RNF220: variants seen among roughly 807,000 people sequenced by gnomAD.
RNF220 encodes ring finger protein 220.
A neutral mutation model predicts 67.1 loss-of-function variants in RNF220; 7 were observed. The observed-to-expected ratio is 0.10, with a 90% CI of 0.06 to 0.20. The LOEUF (loss-of-function observed/expected upper bound fraction) is 0.20, where lower values mean the gene tolerates loss of function less well. Among genes scored for constraint, RNF220 ranks in the 10% least tolerant of loss-of-function variants. The pLI, the probability that RNF220 is intolerant of heterozygous loss-of-function variation, is 1.00. For missense variants in RNF220, 565 were observed against 740.3 expected (o/e 0.76, Z 2.75); for synonymous variants, 270 against 283.2 (o/e 0.95, Z 0.47).
intron 1 of RNF220, chr1:44,410,809 G>A (rs1467065913): frequency 1.3e-5 from 2 of 152,078 alleles, no homozygotes; most frequent in Admixed American, 6.5e-5. Context: ...TTTCTATTTC[G>A]TGTATATTTT....
intron 2 of RNF220, among the ~76,000 whole-genome samples, chr1:44,413,451 T>G (rs973262995): frequency 6.6e-6 from 1 of 152,256 alleles, no homozygotes; most frequent in African/African-American, 2.4e-5. Context: ...AACAGCTTTT[T>G]TTCATGTTCT....
intron 2 of RNF220, among the ~76,000 whole-genome samples, chr1:44,477,042 G>A (rs1655362255): frequency 6.6e-6 from 1 of 152,124 alleles, no homozygotes; most frequent in South Asian, 2.1e-4. Flanking sequence ...ATTAGGAAGG[G>A]AACAAAATCA....
intron 2 of RNF220, among the ~76,000 whole-genome samples, chr1:44,442,494 G>A (rs575372551): frequency 6.8e-5 from 10 of 146,858 alleles, no homozygotes; most frequent in East Asian, 4.0e-4. Context: ...TCTTTGCCCC[G>A]CTGCCGCACC....
chr1:44,617,860 C>T (rs1643627126), intron 3 of RNF220, among the ~76,000 whole-genome samples: 1 of 151,922 alleles, frequency 6.6e-6, no homozygotes, highest in African/African-American at 2.4e-5. Context: ...CTCCCCAGCT[C>T]TCCCTCCTCC....
At chr1:44,517,765 G>A (rs1018713670) in intron 2 of RNF220, among the ~76,000 whole-genome samples, 29 of 152,178 alleles carry the variant, frequency 1.9e-4, no homozygotes, top group African/African-American at 6.0e-4. Flanking sequence ...TTGTTAAAAA[G>A]GAATATTAAA....
At position 44,412,000 on chromosome 1, in the gene RNF220, C is replaced by A; in HGVS notation, c.-98C>A. 1 of 1,344,554 alleles carries A rather than the reference C, an allele frequency of 7.4e-7. No homozygotes were observed. Among genetic ancestry groups the A allele is most frequent in the Non-Finnish European group, 1.0e-6 (1 of 979,778 alleles). 83.3% of individuals were successfully genotyped at this position (1,344,554 alleles called of 1,614,324 possible). A position where few individuals can be genotyped will look rare whatever the true frequency, so the allele number is the denominator to read the frequency against. On this transcript the variant is annotated 5_prime_UTR_variant, in exon 2 of 15. Coordinates refer to ENST00000361799, the MANE Select transcript of RNF220 (RefSeq NM_018150.4). ...CTACAGGTCTTAGGAGGGAATGATT[C>A]CCCAGTAATATTCCCTGCCCTGACC...
In RNF220 at chr1:44,622,627, G is replaced by T. The variant is rs1643846188; in HGVS notation, c.759-115G>T. On this transcript the variant is annotated intron_variant, in intron 3 of 14. Coordinates refer to ENST00000361799, the MANE Select transcript of RNF220 (RefSeq NM_018150.4). This position sits in a 1 kb window ranked among gnomAD's most constrained non-coding sequence, Gnocchi z 4.3. ...GGACTGGGTGGAGCTTGGCTGAGCT[G>T]GGCTGGGCTAGGCGGTCTATGCCTT... 1 of 869,582 alleles carries T rather than the reference G, an allele frequency of 1.1e-6. No individual in the cohort carries two copies. Among genetic ancestry groups the T allele is most frequent in the East Asian group, 2.5e-5 (1 of 40,390 alleles). The allele number at this position is 869,582 out of a possible 1,614,324, so 53.9% of individuals were successfully genotyped here.
chr1:44,513,056 TCTGCCCCCA>T (rs888769690), intron 2 of RNF220, among the ~76,000 whole-genome samples: 2 of 152,204 alleles, frequency 1.3e-5, no homozygotes, highest in African/African-American at 2.4e-5. Flanking sequence ...TCTCTGACTC[TCTGCCCCCA>T]CTGCAGCCAA....
chr1:44,537,523 G>A (rs1661327384), intron 2 of RNF220, among the ~76,000 whole-genome samples: 1 of 152,152 alleles, frequency 6.6e-6, no homozygotes, highest in Non-Finnish European at 1.5e-5. Flanking sequence ...GGGATCCATA[G>A]ACTTCTTGCC....
chr1:44,486,312 G>T (rs1269402722), intron 2 of RNF220, among the ~76,000 whole-genome samples: 1 of 152,168 alleles, frequency 6.6e-6, no homozygotes, highest in African/African-American at 2.4e-5. Context: ...GAGCTCAGAG[G>T]CTCCAGCAGG....
At chr1:44,406,422 G>C (rs1372080935) in intron 1 of RNF220, among the ~76,000 whole-genome samples, 1 of 152,248 alleles carries the variant, frequency 6.6e-6, no homozygotes, top group East Asian at 1.9e-4. Context: ...CTCTCCCAGC[G>C]GTTCTACTGA....
chr1:44,520,827 C>T lies in RNF220; in HGVS notation c.626-93338C>T, dbSNP rs143976705. On this transcript the variant is annotated intron_variant, in intron 2 of 14. Transcript: ENST00000361799. ...GACATCAGGTATTGTTCATGGCAAACACTCAGTGAGTACTGGATTGGAATT... is the reference window on the plus strand; with the variant it reads ...GACATCAGGTATTGTTCATGGCAAATACTCAGTGAGTACTGGATTGGAATT... Among the ~76,000 whole-genome samples, 190 of 152,298 alleles carry T rather than the reference C, an allele frequency of 1.2e-3. 1 individual carries two copies. The highest frequency in any genetic ancestry group is 2.5e-3 in the Non-Finnish European group (167 of 68,024).
intron 2 of RNF220, among the ~76,000 whole-genome samples, chr1:44,559,354 G>T (rs1663374542): frequency 6.6e-6 from 1 of 152,256 alleles, no homozygotes; most frequent in Admixed American, 6.5e-5. Flanking sequence ...TAGCCAGGAT[G>T]CCAGGTTTCC....
intron 5 of RNF220, chr1:44,626,837 G>C: frequency 6.1e-6 from 1 of 163,870 alleles, no homozygotes; most frequent in Non-Finnish European, 1.3e-5. Context: ...AAGAGATCAA[G>C]ACCATCCTGG....
chr1:44,429,018 G>A (rs987187147), intron 2 of RNF220, among the ~76,000 whole-genome samples: 1 of 151,902 alleles, frequency 6.6e-6, no homozygotes, highest in African/African-American at 2.4e-5. Flanking sequence ...CTTCTTAGAG[G>A]ACTTAAGAGG....
Position 44,542,623 on chromosome 1 carries a change from G to A in RNF220, c.626-71542G>A, listed in dbSNP as rs978510282. On this transcript the variant is annotated intron_variant, in intron 2 of 14. Coordinates refer to ENST00000361799, the MANE Select transcript of RNF220 (RefSeq NM_018150.4). The stretch of plus-strand genomic sequence containing the variant: ...TGTTCTTGACAACAAGGGGCTGGGA[G>A]CCCCAGATGAAAGGCCATGGGGGCT... Among the ~76,000 whole-genome samples, 11 of 152,300 alleles carry A rather than the reference G, an allele frequency of 7.2e-5. No individual in the cohort carries two copies. The South Asian group carries it at 1.9e-3, about 26-fold the overall frequency.
intron 2 of RNF220, among the ~76,000 whole-genome samples, chr1:44,451,262 G>A (rs1356461177): frequency 2.6e-5 from 4 of 151,488 alleles, no homozygotes; most frequent in Non-Finnish European, 4.4e-5. Flanking sequence ...TTTACATAAT[G>A]AGAATAATCA....
At chr1:44,542,555 C>G (rs899717819) in intron 2 of RNF220, among the ~76,000 whole-genome samples, 4 of 152,202 alleles carry the variant, frequency 2.6e-5, no homozygotes, top group Admixed American at 1.3e-4. Flanking sequence ...CCCTCCACAG[C>G]GTGTCCCCAG....
At chr1:44,614,106 G>T in intron 2 of RNF220, 59 bp from the exon 3 acceptor site, 1 of 1,603,726 alleles carries the variant, frequency 6.2e-7, no homozygotes, top group South Asian at 1.1e-5. Flanking sequence ...CTGGGATGCT[G>T]GGTCTGCCTC....
Sources: allele counts gnomAD v4.1 joint callset (sites outside exome capture counted in the v4.1 genomes callset), GRCh38; gene constraint gnomAD v4.1.1; non-coding constraint Gnocchi (gnomAD v3.1); transcripts MANE v1.5; gene names NCBI Gene and HGNC (gene_info 2026-07-23, HGNC 2026-07-21).